FSHR: variants seen among roughly 807,000 people sequenced by gnomAD.
FSHR encodes the protein follicle-stimulating hormone receptor.
A neutral mutation model predicts 52.1 loss-of-function variants in FSHR; 46 were observed. That is an observed-to-expected ratio of 0.88 (90% CI 0.70 to 1.13). The LOEUF is 1.13. FSHR is among the 50% of genes most tolerant of loss of function. The probability of loss-of-function intolerance (pLI) is 0.00; values close to 1 mark genes in which losing one functional copy is unlikely to be tolerated. For missense variants in FSHR, 964 were observed against 834.6 expected (o/e 1.16, Z -1.91); for synonymous variants, 399 against 309.6 (o/e 1.29, Z -3.03).
chr2:49,081,112 G>T lies in FSHR; in HGVS notation c.153-12822C>A, dbSNP rs190170357. Among the ~76,000 whole-genome samples the T allele has an allele frequency of 8.7e-4, 132 of 152,014 alleles. 2 individuals are homozygous for T. Among genetic ancestry groups the T allele is most frequent in the African/African-American group, 2.9e-3 (121 of 41,450 alleles). ...CTTTGTGTTCCTCCTCCTGCCCCAG[G>T]GTGTGATTCCTTTCTCTTGGGTTCT... On this transcript the variant is annotated intron_variant, in intron 1 of 9. Coordinates refer to ENST00000406846, the MANE Select transcript of FSHR (RefSeq NM_000145.4).
chr2:49,127,020 G>C (rs540455273), intron 1 of FSHR, among the ~76,000 whole-genome samples: 20 of 152,266 alleles, frequency 1.3e-4, no homozygotes, highest in African/African-American at 4.6e-4. Flanking sequence ...ATGTGGGAAA[G>C]ATAGAATAAT....
At chr2:49,143,292 C>T (rs1052986258) in intron 1 of FSHR, among the ~76,000 whole-genome samples, 11 of 152,112 alleles carry the variant, frequency 7.2e-5, no homozygotes, top group African/African-American at 2.4e-4. Flanking sequence ...GTCAAGTACT[C>T]GAATGGTCAC....
chr2:48,963,051 G>A lies in FSHR; in HGVS notation c.1770C>T (p.Phe590=). ...TDFLCMAPIS[F]FAISASLKVP... ...CCTTGAGGGAGGCAGAAATGGCAAA[G>A]AAAGAAATGGGTGCCATGCAGAGGA... The change falls in exon 10 of 10, where the codon TTC becomes TTT. Residue 590 remains phenylalanine (F), a synonymous_variant. Coordinates refer to ENST00000406846, the MANE Select transcript of FSHR (RefSeq NM_000145.4). 1 of 1,614,076 alleles carries A rather than the reference G, an allele frequency of 6.2e-7. No homozygotes were observed. Among genetic ancestry groups the A allele is most frequent in the Non-Finnish European group, 8.5e-7 (1 of 1,179,980 alleles).
intron 4 of FSHR, 34 bp downstream of exon 4, chr2:49,017,455 C>A (rs368345067): frequency 7.4e-6 from 11 of 1,491,224 alleles, no homozygotes; most frequent in South Asian, 1.1e-5. Context: ...ACTATTTAAT[C>A]ATAGTGGGGG....
chr2:49,083,136 C>T (rs1433385086), intron 1 of FSHR, among the ~76,000 whole-genome samples: 6 of 151,970 alleles, frequency 3.9e-5, no homozygotes, highest in East Asian at 1.9e-4. Context: ...ATCAGACTAA[C>T]AGCAGATCTC....
At chr2:48,981,327 T>C (rs1208569822) in intron 8 of FSHR, among the ~76,000 whole-genome samples, 1 of 152,214 alleles carries the variant, frequency 6.6e-6, no homozygotes, top group Non-Finnish European at 1.5e-5. Context: ...GAACTTTCCT[T>C]TGTTTCCTGC....
At chr2:49,015,101 T>C (rs1432465254) in intron 4 of FSHR, among the ~76,000 whole-genome samples, 4 of 152,182 alleles carry the variant, frequency 2.6e-5, no homozygotes, top group Admixed American at 2.0e-4. Context: ...CATAATCTTA[T>C]TTGGTTTTTA....
At chr2:49,102,867 A>G (rs575690047) in intron 1 of FSHR, among the ~76,000 whole-genome samples, 3 of 152,002 alleles carry the variant, frequency 2.0e-5, no homozygotes, top group African/African-American at 7.3e-5. Flanking sequence ...ATTCTTTGGC[A>G]TAAAGGTAGA....
intron 6 of FSHR, among the ~76,000 whole-genome samples, chr2:48,983,672 G>A (rs1260184525): frequency 6.6e-6 from 1 of 152,174 alleles, no homozygotes; most frequent in Non-Finnish European, 1.5e-5. Flanking sequence ...TAATTAAGTT[G>A]TCAGACAACC....
At chr2:48,991,091 G>A (rs1452208181) in intron 4 of FSHR, among the ~76,000 whole-genome samples, 1 of 151,930 alleles carries the variant, frequency 6.6e-6, no homozygotes, top group African/African-American at 2.4e-5. Flanking sequence ...ACCTAAGCTG[G>A]GCCAATCAGA....
chr2:49,097,194 C>A (rs1471890198), intron 1 of FSHR, among the ~76,000 whole-genome samples: 2 of 151,974 alleles, frequency 1.3e-5, no homozygotes, highest in African/African-American at 2.4e-5. Flanking sequence ...TTCTTTTTTT[C>A]TGTTCAGTTT....
At chr2:49,114,881 T>C (rs892855690) in intron 1 of FSHR, among the ~76,000 whole-genome samples, 4 of 151,914 alleles carry the variant, frequency 2.6e-5, no homozygotes, top group African/African-American at 7.3e-5. Flanking sequence ...AGAATCAATG[T>C]GGTATGAGGA....
chr2:48,964,328 T>C (rs1674374252), intron 9 of FSHR, among the ~76,000 whole-genome samples: 1 of 152,150 alleles, frequency 6.6e-6, no homozygotes, highest in South Asian at 2.1e-4. Context: ...TATCTCTTAA[T>C]ACACCTGAGT....
rs1674317526 is a variant in FSHR at position 48,963,320 on chromosome 2, C to T, written c.1501G>A (p.Ala501Thr). ...VMGWIFAFAAALFPIFGISSY... is the reference protein window; with the variant it reads ...VMGWIFAFAATLFPIFGISSY... ...CTGATGCCAAAGATGGGAAAGAGGG[C>T]AGCTGCAAAAGCAAAAATCCAGCCC... Residue 501 changes from alanine to threonine, a missense_variant, in exon 10 of 10, where the codon GCC becomes ACC. Transcript: ENST00000406846. The T allele has an allele frequency of 6.2e-7, 1 of 1,613,996 alleles. No individual in the cohort carries two copies. The highest frequency in any genetic ancestry group is 8.5e-7 in the Non-Finnish European group (1 of 1,179,968).
intron 2 of FSHR, among the ~76,000 whole-genome samples, chr2:49,045,007 A>G (rs1214752086): frequency 6.6e-6 from 1 of 152,224 alleles, no homozygotes; most frequent in African/African-American, 2.4e-5. Context: ...CAGTACTTTT[A>G]TAAGTGACTA....
intron 1 of FSHR, among the ~76,000 whole-genome samples, chr2:49,094,399 G>A (rs1173200406): frequency 1.3e-5 from 2 of 152,092 alleles, no homozygotes; most frequent in African/African-American, 2.4e-5. Context: ...TCTTTACGCA[G>A]ATATTGTAGA....
chr2:49,152,826 A>G (rs1310907110), intron 1 of FSHR, among the ~76,000 whole-genome samples: 1 of 152,210 alleles, frequency 6.6e-6, no homozygotes, highest in Non-Finnish European at 1.5e-5. Flanking sequence ...GAAATGAGGA[A>G]CTTGAGGCTC....
At chr2:49,115,368 C>A (rs1473357143) in intron 1 of FSHR, among the ~76,000 whole-genome samples, 4 of 152,060 alleles carry the variant, frequency 2.6e-5, no homozygotes, top group Non-Finnish European at 5.9e-5. Context: ...TTATTGAACA[C>A]CTTCTATGGA....
At chr2:49,071,670 A>G (rs1157859282) in intron 1 of FSHR, among the ~76,000 whole-genome samples, 1 of 151,258 alleles carries the variant, frequency 6.6e-6, no homozygotes, top group Non-Finnish European at 1.5e-5. Flanking sequence ...ATAAAGAAAA[A>G]GTTTATTTCA....
Sources: gnomAD v4.1 joint callset for allele counts (sites outside exome capture counted in the v4.1 genomes callset) on GRCh38, gnomAD v4.1.1 for gene constraint, MANE v1.5 for transcripts, NCBI Gene and HGNC (gene_info 2026-07-23, HGNC 2026-07-21) for gene names.